SYCP2: variants seen among roughly 807,000 people sequenced by gnomAD.
SYCP2 encodes the protein synaptonemal complex protein 2.
Under a neutral mutation model 211.3 loss-of-function variants are expected in SYCP2, and 55 were observed. The ratio of observed to expected loss-of-function variants is 0.26; its 90% CI spans 0.21 to 0.33. The LOEUF (loss-of-function observed/expected upper bound fraction) is 0.33. SYCP2 is among the 10% of genes least tolerant of loss of function. SYCP2 has a pLI of 1.00. For synonymous variants in SYCP2, 570 were observed against 555.2 expected, an observed-to-expected ratio of 1.03 and a Z score of -0.37; for missense variants, 1,731 against 1,752.0, an observed-to-expected ratio of 0.99 and a Z score of 0.21.
Position 59,893,576 on chromosome 20 carries a change from C to A in SYCP2, c.1683G>T (p.Lys561Asn). 6.2e-7 allele frequency: 1 copy of A among 1,608,872 alleles called. No individual in the cohort carries two copies. Among genetic ancestry groups the A allele is most frequent in the Admixed American group, 1.7e-5 (1 of 59,576 alleles). ...TCTTATTTTCTGTGTTTTCTACACA[C>A]TTAGCAGTTTTGATATGCTGTAAAC... ...DNIDKHIKTA[K>N]CVENTENKNV... Residue 561 changes from lysine (K) to asparagine (N), a missense_variant, in exon 21 of 45, where the codon AAG becomes AAT. By Grantham distance (94) the Lys-to-Asn change is moderately conservative (BLOSUM62 0). Coordinates refer to ENST00000357552, the MANE Select transcript of SYCP2 (RefSeq NM_014258.4).
chr20:59,927,410 G>C (rs887090248), intron 2 of SYCP2, among the ~76,000 whole-genome samples: 5 of 152,058 alleles, frequency 3.3e-5, no homozygotes, highest in Non-Finnish European at 5.9e-5. Context: ...TATATCTAGA[G>C]ATAATTTGGA....
chr20:59,900,128 C>A lies in SYCP2; in HGVS notation c.1404+10G>T. 14 of 1,612,546 alleles carry A rather than the reference C, an allele frequency of 8.7e-6. No individual in the cohort carries two copies. Among genetic ancestry groups the A allele is most frequent in the Non-Finnish European group, 1.2e-5 (14 of 1,179,004 alleles). On this transcript the variant is annotated intron_variant, in intron 18 of 44. Transcript: ENST00000357552. Reference sequence around the variant, plus strand: ...AGTTTTATAAGCCAGTATTTTGACACCATCTTTACCTCAAGCTGACTATTA... The same window carrying A: ...AGTTTTATAAGCCAGTATTTTGACAACATCTTTACCTCAAGCTGACTATTA...
chr20:59,871,407 A>T lies in SYCP2; in HGVS notation c.3556-1424T>A, dbSNP rs574535725. ...GTAGGTTCAACTACCATATAAAGCA[A>T]ATTTCCAACACCTTATTAAGAGTTG... On this transcript the variant is annotated intron_variant, in intron 35 of 44. Coordinates refer to ENST00000357552, the MANE Select transcript of SYCP2 (RefSeq NM_014258.4). Among the ~76,000 whole-genome samples, 244 of 152,058 alleles carry T rather than the reference A, an allele frequency of 1.6e-3. 1 individual carries two copies. Among genetic ancestry groups the T allele is most frequent in the Non-Finnish European group, 3.0e-3 (205 of 67,900 alleles).
At chr20:59,867,448 G>C (rs1235968605) in intron 39 of SYCP2, among the ~76,000 whole-genome samples, 19 of 142,900 alleles carry the variant, frequency 1.3e-4, no homozygotes, top group Middle Eastern at 3.6e-3. Context: ...CATGAAAACT[G>C]TCCAGTAAAA....
At chr20:59,930,487 C>CT (rs2060718071) in intron 2 of SYCP2, among the ~76,000 whole-genome samples, 1 of 152,174 alleles carries the variant, frequency 6.6e-6, no homozygotes, top group Non-Finnish European at 1.5e-5. Context: ...CTTAACAGTG[C>CT]CAAATGCCCA....
At chr20:59,918,329 C>G (rs1362045199) in intron 7 of SYCP2, among the ~76,000 whole-genome samples, 1 of 152,184 alleles carries the variant, frequency 6.6e-6, no homozygotes, top group Non-Finnish European at 1.5e-5. Flanking sequence ...CTAAGGTGAT[C>G]TGAAAGGCAA....
intron 34 of SYCP2, among the ~76,000 whole-genome samples, chr20:59,874,640 G>A (rs1037594523): frequency 6.6e-6 from 1 of 151,964 alleles, no homozygotes; most frequent in African/African-American, 2.4e-5. Context: ...TATACTAACT[G>A]ATTTAAGTCT....
Position 59,869,804 on chromosome 20 carries a change from T to G in SYCP2, c.3735A>C (p.Lys1245Asn). The G allele has an allele frequency of 6.3e-7, 1 of 1,597,064 alleles. No individual in the cohort carries two copies. Among genetic ancestry groups the G allele is most frequent in the Non-Finnish European group, 8.6e-7 (1 of 1,168,330 alleles). ...PHINENYIQS[K>N]REESHLASSL... is the part of the protein sequence containing the mutation. ...GTTATAGTCCCACACTTACCTCTCTTTTGCTTTGTATATAATTTTCATTGA... is the reference window on the plus strand; with the variant it reads ...GTTATAGTCCCACACTTACCTCTCTGTTGCTTTGTATATAATTTTCATTGA... Residue 1245 changes from lysine to asparagine, a missense_variant, in exon 36 of 45, where the codon AAA (lysine) becomes AAC (asparagine). By Grantham distance (94) the Lys-to-Asn change is moderately conservative. Transcript: ENST00000357552.
In SYCP2 at chr20:59,867,911, T is replaced by G. The variant is rs1315855492; in HGVS notation, c.3989-64A>C. On this transcript the variant is annotated intron_variant, in intron 38 of 44. Coordinates refer to ENST00000357552, the MANE Select transcript of SYCP2 (RefSeq NM_014258.4). ...ATTACTCTAAATTTAGCCTTGTAAT[T>G]AGGCTAAGAACAAAATCTATCTTAT... is the stretch of plus-strand genomic sequence containing the variant. 3 of 1,218,284 alleles carry G rather than the reference T, an allele frequency of 2.5e-6. No homozygotes were observed. The African/African-American group carries it at 4.6e-5, about 19-fold the overall frequency. 75.5% of individuals were successfully genotyped at this position (1,218,284 alleles called of 1,614,324 possible).
Position 59,885,654 on chromosome 20 carries a change from A to ACACG in SYCP2, c.2529+273_2529+274insCGTG, listed in dbSNP as rs1555876163. 1.7e-3 allele frequency among the ~76,000 whole-genome samples: 264 copies of ACACG among 152,200 alleles called. 1 individual carries two copies. The highest frequency in any genetic ancestry group is 6.0e-3 in the African/African-American group (251 of 41,560). ...ATTAAAAAAATACACACACACACACACGCGCGCACGCGCGATAAGGATATA... is the reference window on the plus strand; with the variant it reads ...ATTAAAAAAATACACACACACACACACACGCGCGCGCACGCGCGATAAGGATATA... On this transcript the variant is annotated intron_variant, in intron 26 of 44. Coordinates refer to ENST00000357552, the MANE Select transcript of SYCP2 (RefSeq NM_014258.4).
At position 59,869,778 on chromosome 20, in the gene SYCP2, A is replaced by T. The variant is rs375562134; in HGVS notation, c.3741+20T>A. On this transcript the variant is annotated intron_variant, in intron 36 of 44. Transcript: ENST00000357552. ...CATCTTAGTGTAAGGAAAATTTATA[A>T]GTTATAGTCCCACACTTACCTCTCT... 239 of 1,501,164 alleles carry T rather than the reference A, an allele frequency of 1.6e-4. No individual in the cohort carries two copies. The highest frequency in any genetic ancestry group is 2.0e-4 in the Non-Finnish European group (224 of 1,095,356). The allele number at this position is 1,501,164 out of a possible 1,614,324, so 93.0% of individuals were successfully genotyped here.
intron 26 of SYCP2, among the ~76,000 whole-genome samples, chr20:59,883,512 C>T (rs2145686775): frequency 6.6e-6 from 1 of 151,924 alleles, no homozygotes; most frequent in South Asian, 2.1e-4. Flanking sequence ...ACTATTCAGC[C>T]TTAAAAATAG....
rs764592507 is a variant in SYCP2 at position 59,874,064 on chromosome 20, A to G, written c.3350-3T>C. 1.9e-5 allele frequency: 28 copies of G among 1,510,774 alleles called. No individual in the cohort carries two copies. Among genetic ancestry groups the G allele is most frequent in the Non-Finnish European group, 2.4e-5 (27 of 1,118,980 alleles). The allele number at this position is 1,510,774 out of a possible 1,614,324, so 93.6% of individuals were successfully genotyped here. ...CTTTTCTGTTATTTTCTCTATACCT[A>G]TATTGCATCAAAATAAAAAAGAAAA... On this transcript the variant is annotated splice_region_variant and splice_polypyrimidine_tract_variant and intron_variant, in intron 34 of 44. Coordinates refer to ENST00000357552, the MANE Select transcript of SYCP2 (RefSeq NM_014258.4).
At chr20:59,878,681 A>G (rs1012011807) in intron 31 of SYCP2, among the ~76,000 whole-genome samples, 1 of 152,144 alleles carries the variant, frequency 6.6e-6, no homozygotes, top group Non-Finnish European at 1.5e-5. Context: ...TTACATAGAT[A>G]TAAATCTCTA....
chr20:59,893,295 T>C (rs2059944310), intron 21 of SYCP2, 96 bp from the exon 22 acceptor site: 7 of 862,930 alleles, frequency 8.1e-6, no homozygotes, highest in African/African-American at 1.7e-5. Flanking sequence ...GTTCACATAT[T>C]GGGATGAACG....
chr20:59,889,259 AATGACTC>A (rs148421989), intron 24 of SYCP2, among the ~76,000 whole-genome samples: 2,939 of 152,148 alleles, frequency 0.019, 38 homozygotes, highest in Middle Eastern at 0.041. Flanking sequence ...ATGTATCAAT[AATGACTC>A]ATCAATTCTA....
At chr20:59,900,318 ACTGC>A in intron 17 of SYCP2, 34 bp from the exon 18 acceptor site, 1 of 1,526,434 alleles carries the variant, frequency 6.6e-7, no homozygotes. Flanking sequence ...AGTATTTAAA[ACTGC>A]AAACCACAGA....
chr20:59,899,953 TAC>T, intron 18 of SYCP2, 183 bp downstream of exon 18: 1 of 637,292 alleles, frequency 1.6e-6, no homozygotes. Context: ...CCTATACATG[TAC>T]ACAATTTGCT....
At chr20:59,916,451 T>C (rs755039340) in intron 8 of SYCP2, 35 bp downstream of exon 8, 1 of 1,285,464 alleles carries the variant, frequency 7.8e-7, no homozygotes. Flanking sequence ...CACGTTCTCA[T>C]TTTTAGTTTT....
Sources: allele counts gnomAD v4.1 joint callset (sites outside exome capture counted in the v4.1 genomes callset), GRCh38; gene constraint gnomAD v4.1.1; transcripts MANE v1.5; gene names NCBI Gene and HGNC (gene_info 2026-07-23, HGNC 2026-07-21).